The following OPA1 variants were observed in gnomAD, a reference collection of about 807,000 sequenced individuals.
The protein encoded by OPA1 is OPA1 mitochondrial dynamin like GTPase, also known as dynamin-like GTPase OPA1, mitochondrial.
In OPA1, 59 loss-of-function variants were observed where a neutral mutation model predicts 152.9. That is an observed-to-expected ratio of 0.39 (90% CI 0.31 to 0.48). The LOEUF (loss-of-function observed/expected upper bound fraction) is 0.48. Ranked by LOEUF, OPA1 falls within the 20% of genes least tolerant of loss-of-function variation. The pLI is 0.96. For missense variants in OPA1, 1,008 were observed against 1,216.8 expected (o/e 0.83, Z 2.55); for synonymous variants, 400 against 389.9 (o/e 1.03, Z -0.31).
intron 9 of OPA1, among the ~76,000 whole-genome samples, chr3:193,636,892 C>G (rs888592760): frequency 6.6e-6 from 1 of 152,086 alleles, no homozygotes; most frequent in Non-Finnish European, 1.5e-5. Context: ...TCTTTTCTTG[C>G]ATTCAGTATT....
chr3:193,618,345 G>A (rs1316142794), intron 5 of OPA1, among the ~76,000 whole-genome samples: 4 of 152,036 alleles, frequency 2.6e-5, no homozygotes, highest in Admixed American at 6.5e-5. Context: ...GGGCGTGGTG[G>A]CACACGCCTG....
chr3:193,622,627 A>G (rs866600081), intron 6 of OPA1, among the ~76,000 whole-genome samples: 1 of 152,100 alleles, frequency 6.6e-6, no homozygotes, highest in Admixed American at 6.5e-5. Flanking sequence ...GCATAGCTCA[A>G]TTGTCACTTC....
intron 2 of OPA1, 146 bp downstream of exon 2, chr3:193,615,187 G>A: frequency 1.4e-6 from 1 of 715,464 alleles, no homozygotes; most frequent in East Asian, 2.7e-5. Context: ...TTTTAATGAT[G>A]CTAATAGGAA....
chr3:193,662,606 A>G (rs923335845), intron 25 of OPA1, among the ~76,000 whole-genome samples: 6 of 152,136 alleles, frequency 3.9e-5, no homozygotes, highest in Admixed American at 2.6e-4. Flanking sequence ...TGGGTTTTCT[A>G]CCCTCTCATA....
chr3:193,637,657 T>G (rs1733157261), intron 10 of OPA1, among the ~76,000 whole-genome samples: 1 of 152,150 alleles, frequency 6.6e-6, no homozygotes, highest in African/African-American at 2.4e-5. Flanking sequence ...GTAAACTAGC[T>G]ATGGAAAAGA....
At chr3:193,643,273 G>A (rs922212196) in intron 13 of OPA1, 100 bp from the exon 14 acceptor site, 6 of 979,000 alleles carry the variant, frequency 6.1e-6, no homozygotes, top group Non-Finnish European at 9.8e-6. Flanking sequence ...TATCTGAATG[G>A]ATGAGATATA....
chr3:193,648,191 A>C, intron 20 of OPA1, 57 bp downstream of exon 20: 1 of 1,332,424 alleles, frequency 7.5e-7, no homozygotes, highest in Non-Finnish European at 1.1e-6. Context: ...TTGTTTGCTA[A>C]CTAAATTTAT....
Position 193,667,269 on chromosome 3 carries a change from C to G in OPA1, c.2972C>G (p.Ala991Gly). 2 of 1,538,664 alleles carry G rather than the reference C, an allele frequency of 1.3e-6. No individual in the cohort carries two copies. Among genetic ancestry groups the G allele is most frequent in the African/African-American group, 1.4e-5 (1 of 73,544 alleles). ...CTTACTGGTAAACGCGTTCAACTGG[C>G]GGAAGACCTCAGTGAGTAGTTCTTA... is the stretch of plus-strand genomic sequence containing the variant. ...KLLTGKRVQLAEDLKKVREIQ... is the reference protein window; with the variant it reads ...KLLTGKRVQLGEDLKKVREIQ... The change falls in exon 29 of 31, where the codon GCG (alanine) becomes GGG (glycine). Residue 991 changes from alanine (A) to glycine (G), a missense_variant. Physicochemically the swap from Ala to Gly is moderately conservative, Grantham distance 60 (BLOSUM62 0). Transcript: ENST00000361510.
In OPA1 at chr3:193,618,860, A is replaced by G. The variant is rs372157755; in HGVS notation, c.611-9A>G. The G allele has an allele frequency of 3.0e-5, 49 of 1,610,526 alleles. No homozygotes were observed. The Middle Eastern group carries it at 6.6e-4, about 22-fold the overall frequency. ...GGAGAATGTAAAGGGTTGCATATTT[A>G]TCTTTAAGGTTCTCCGGAAGAAACG... On this transcript the variant is annotated splice_polypyrimidine_tract_variant and intron_variant, in intron 5 of 30. Coordinates refer to ENST00000361510, the MANE Select transcript of OPA1 (RefSeq NM_130837.3).
At chr3:193,694,282 A>G (rs113282714) in intron 30 of OPA1, among the ~76,000 whole-genome samples, 28 of 152,354 alleles carry the variant, frequency 1.8e-4, no homozygotes, top group African/African-American at 6.3e-4. Context: ...AAGGACCCTA[A>G]GGAATACTTT....
chr3:193,609,418 G>C (rs1333654787), intron 1 of OPA1, among the ~76,000 whole-genome samples: 1 of 152,212 alleles, frequency 6.6e-6, no homozygotes. Flanking sequence ...CTGTTGGTCT[G>C]ATGGGCTTCC....
chr3:193,624,670 C>G (rs1730746487), intron 6 of OPA1, among the ~76,000 whole-genome samples: 1 of 151,980 alleles, frequency 6.6e-6, no homozygotes, highest in Non-Finnish European at 1.5e-5. Flanking sequence ...ACTGTTGTAT[C>G]TGGAAACAAA....
At chr3:193,676,845 G>A (rs373797139) in intron 29 of OPA1, among the ~76,000 whole-genome samples, 5 of 152,162 alleles carry the variant, frequency 3.3e-5, no homozygotes, top group African/African-American at 7.2e-5. Flanking sequence ...GCCAGGCGTG[G>A]TGGCGGGCGC....
At chr3:193,636,234 A>T (rs1326055301) in intron 9 of OPA1, among the ~76,000 whole-genome samples, 1 of 151,862 alleles carries the variant, frequency 6.6e-6, no homozygotes, top group Non-Finnish European at 1.5e-5. Flanking sequence ...AGTAGCTTTG[A>T]CTATAAATCA....
chr3:193,640,066 G>T (rs1486040525), intron 11 of OPA1, among the ~76,000 whole-genome samples: 3 of 152,156 alleles, frequency 2.0e-5, no homozygotes, highest in Non-Finnish European at 4.4e-5. Context: ...TTCAGTTTTG[G>T]ACTTGCTGAG....
chr3:193,621,548 T>C (rs1730081210), intron 6 of OPA1, among the ~76,000 whole-genome samples: 1 of 152,242 alleles, frequency 6.6e-6, no homozygotes, highest in South Asian at 2.1e-4. Context: ...TTTATATCCA[T>C]TCAGTTTGTG....
intron 29 of OPA1, among the ~76,000 whole-genome samples, chr3:193,675,666 A>G (rs936784972): frequency 2.0e-5 from 3 of 152,224 alleles, no homozygotes; most frequent in Admixed American, 1.3e-4. Context: ...TGAGCAGAAT[A>G]GAGGCTTCTC....
rs1198769475 is a variant in OPA1 at position 193,697,767 on chromosome 3, G to A, written c.*3167G>A. The A allele has an allele frequency of 6.6e-6, 1 of 151,964 alleles. No homozygotes were observed. Among genetic ancestry groups the A allele is most frequent in the Non-Finnish European group, 1.5e-5 (1 of 67,984 alleles). The allele number at this position is 151,964 out of a possible 1,614,324, so 9.4% of individuals were successfully genotyped here. Reference sequence around the variant, plus strand: ...ATCGTGGTACTTGTCAAAACATTTTGTTATTTTCCTTGGTAAAATATATAA... The same window carrying A: ...ATCGTGGTACTTGTCAAAACATTTTATTATTTTCCTTGGTAAAATATATAA... On this transcript the variant is annotated 3_prime_UTR_variant, in exon 31 of 31. Transcript: ENST00000361510.
At chr3:193,673,626 A>G (rs928406624) in intron 29 of OPA1, among the ~76,000 whole-genome samples, 2 of 152,218 alleles carry the variant, frequency 1.3e-5, no homozygotes, top group South Asian at 2.1e-4. Flanking sequence ...TGGAATCTTT[A>G]ATTGAGCATA....
Sources: allele counts gnomAD v4.1 joint callset (sites outside exome capture counted in the v4.1 genomes callset), GRCh38; gene constraint gnomAD v4.1.1; transcripts MANE v1.5; gene names NCBI Gene and HGNC (gene_info 2026-07-23, HGNC 2026-07-21).